The following EXPH5 variants were observed in gnomAD, a reference collection of about 807,000 sequenced individuals.
EXPH5 encodes exophilin-5.
A neutral mutation model predicts 41.1 loss-of-function variants in EXPH5; 42 were observed. That is an observed-to-expected ratio of 1.02 (90% CI 0.80 to 1.32). The LOEUF is 1.32. EXPH5 is among the 40% of genes most tolerant of loss of function. EXPH5 has a pLI of 0.00. For synonymous variants in EXPH5, 798 were observed against 833.5 expected (o/e 0.96, Z 0.73); for missense variants, 2,298 against 2,314.5 (o/e 0.99, Z 0.15).
At chr11:108,607,530 A>G in the EXPH5 span, among the ~76,000 whole-genome samples, 2 of 152,188 alleles carry the variant, frequency 1.3e-5, no homozygotes, top group African/African-American at 4.8e-5. Context: ...TGGCTCTACG[A>G]TGTACTAACC....
rs1172975950 is a variant in EXPH5 at position 108,541,689 on chromosome 11, T to C, written c.243A>G (p.Pro81=). ...TCTCCTTACTTAGCCTGTATGTAAGTGGTTGTTTTAACATTTGGCTAACAT... is the reference window on the plus strand; with the variant it reads ...TCTCCTTACTTAGCCTGTATGTAAGCGGTTGTTTTAACATTTGGCTAACAT... ...ETDVSQMLKQ[P]LTYRLSKEMA... The change falls in exon 2 of 6, where the codon CCA becomes CCG. Residue 81 remains proline (P), a synonymous_variant. Transcript: ENST00000265843. 3 of 1,610,786 alleles carry C rather than the reference T, an allele frequency of 1.9e-6. No individual in the cohort carries two copies. The highest frequency in any genetic ancestry group is 2.2e-5 in the East Asian group (1 of 44,836).
At chr11:108,584,677 C>T (rs1200981148) in intron 1 of EXPH5, among the ~76,000 whole-genome samples, 1 of 152,156 alleles carries the variant, frequency 6.6e-6, no homozygotes, top group Non-Finnish European at 1.5e-5. Context: ...AGTCTTTCAA[C>T]AATGGTGTTG....
At chr11:108,590,408 T>G (rs2094124677) in intron 1 of EXPH5, among the ~76,000 whole-genome samples, 1 of 152,224 alleles carries the variant, frequency 6.6e-6, no homozygotes, top group Non-Finnish European at 1.5e-5. Flanking sequence ...CTTAAAAATC[T>G]GAATAAACTA....
intron 1 of EXPH5, among the ~76,000 whole-genome samples, chr11:108,583,102 G>A (rs1016392541): frequency 6.6e-6 from 1 of 152,032 alleles, no homozygotes; most frequent in Admixed American, 6.6e-5. Flanking sequence ...TAAGTATATC[G>A]CCAGGCGCAG....
chr11:108,513,418 C>T lies in EXPH5; in HGVS notation c.2089G>A (p.Val697Ile). ...TCATTTAAGTCTTTCTCATTATTTA[C>T]TTCTGTGACCAAGATATTGGGCTGG... ...KSQPNILVTEVNNEKDLNESI... is the reference protein window; with the variant it reads ...KSQPNILVTEINNEKDLNESI... Residue 697 changes from valine (V) to isoleucine (I), a missense_variant, in exon 6 of 6, where the codon GTA becomes ATA. Transcript: ENST00000265843. The T allele has an allele frequency of 1.2e-6, 2 of 1,613,332 alleles. No individual in the cohort carries two copies. The highest frequency in any genetic ancestry group is 1.7e-6 in the Non-Finnish European group (2 of 1,179,744).
At chr11:108,589,035 G>C (rs1385742297) in intron 1 of EXPH5, among the ~76,000 whole-genome samples, 1 of 152,194 alleles carries the variant, frequency 6.6e-6, no homozygotes, top group Non-Finnish European at 1.5e-5. Flanking sequence ...CAAGCCTCCT[G>C]AGCACACTTG....
chr11:108,602,454 G>C, the EXPH5 span, among the ~76,000 whole-genome samples: 1 of 151,876 alleles, frequency 6.6e-6, no homozygotes, highest in African/African-American at 2.4e-5. Flanking sequence ...GTAGATTTAT[G>C]TTATCCACCG....
In EXPH5 at chr11:108,511,558, A is replaced by G. The variant is rs2093681821; in HGVS notation, c.3949T>C (p.Ser1317Pro). 1 of 1,612,992 alleles carries G rather than the reference A, an allele frequency of 6.2e-7. No homozygotes were observed. The highest frequency in any genetic ancestry group is 8.5e-7 in the Non-Finnish European group (1 of 1,179,734). The change falls in exon 6 of 6, where the codon TCC becomes CCC. Residue 1317 changes from serine (S) to proline (P), a missense_variant. Ser to Pro is a moderately conservative substitution (Grantham distance 74). Coordinates refer to ENST00000265843, the MANE Select transcript of EXPH5 (RefSeq NM_015065.3). ...GTGAGCGTCTGATCAGAGTTGACGG[A>G]CATCTTTAGATTTTCACATGAAGGT... ...GTPSCENLKM[S>P]VNSDQTLTTE...
intron 1 of EXPH5, among the ~76,000 whole-genome samples, chr11:108,584,966 C>A (rs528942767): frequency 3.9e-5 from 6 of 152,202 alleles, no homozygotes; most frequent in African/African-American, 1.4e-4. Flanking sequence ...TTAAGACAAG[C>A]TACAGATGGG....
At chr11:108,542,746 T>G (rs1187876033) in intron 1 of EXPH5, among the ~76,000 whole-genome samples, 3 of 152,004 alleles carry the variant, frequency 2.0e-5, no homozygotes, top group Non-Finnish European at 4.4e-5. Flanking sequence ...TGAGACAGAG[T>G]CTCTCTCTGT....
chr11:108,588,071 G>A (rs903433457), intron 1 of EXPH5, among the ~76,000 whole-genome samples: 1 of 152,120 alleles, frequency 6.6e-6, no homozygotes, highest in African/African-American at 2.4e-5. Context: ...AATAACATAT[G>A]ATAACTAAAA....
At chr11:108,598,652 A>G (rs2094141998), upstream of EXPH5, among the ~76,000 whole-genome samples, 1 of 152,078 alleles carries the variant, frequency 6.6e-6, no homozygotes, top group South Asian at 2.1e-4. Flanking sequence ...TCAAGGATCC[A>G]GCTTTGCTAA....
At chr11:108,515,183 C>G (rs1299190100) in intron 5 of EXPH5, among the ~76,000 whole-genome samples, 1 of 151,794 alleles carries the variant, frequency 6.6e-6, no homozygotes, top group Non-Finnish European at 1.5e-5. Flanking sequence ...TTTAGTGCAT[C>G]TAAAGTGTAT....
At chr11:108,597,353 G>A (rs566975642), upstream of EXPH5, among the ~76,000 whole-genome samples, 5 of 152,080 alleles carry the variant, frequency 3.3e-5, no homozygotes, top group South Asian at 2.1e-4. Flanking sequence ...GCACGCCACC[G>A]CACCCAGCTA....
chr11:108,520,590 G>A (rs186884041), intron 4 of EXPH5, among the ~76,000 whole-genome samples: 31 of 140,432 alleles, frequency 2.2e-4, no homozygotes, highest in Non-Finnish European at 3.1e-4. Context: ...TTATTTTGAG[G>A]CGGAGTCTCC....
In EXPH5 at chr11:108,513,815, C is replaced by T; in HGVS notation, c.1692G>A (p.Val564=). The part of the protein sequence containing the change: ...DFQRSTLDSM[V]VSHGNETQLT... ...ACTGGGTCTCATTACCATGTGATAC[C>T]ACCATGCTATCCAGTGTGGATCTCT... Residue 564 remains valine, a synonymous_variant, in exon 6 of 6, where the codon GTG becomes GTA. Coordinates refer to ENST00000265843, the MANE Select transcript of EXPH5 (RefSeq NM_015065.3). 3 of 1,603,028 alleles carry T rather than the reference C, an allele frequency of 1.9e-6. No homozygotes were observed. In the South Asian group the frequency reaches 3.4e-5, roughly 18 times the overall value.
In EXPH5 at chr11:108,512,784, C is replaced by T; in HGVS notation, c.2723G>A (p.Arg908Lys). The T allele has an allele frequency of 6.2e-7, 1 of 1,614,012 alleles. No individual in the cohort carries two copies. Reference protein sequence around the residue: ...PVVPSTTVFSRRSPSDKDPSL... With the variant: ...PVVPSTTVFSKRSPSDKDPSL... ...TGGATCTTTGTCTGAAGGACTTCTC[C>T]TGGAGAACACTGTAGTAGATGGAAC... Residue 908 changes from arginine to lysine, a missense_variant, in exon 6 of 6, where the codon AGG becomes AAG. Physicochemically the swap from Arg to Lys is conservative, Grantham distance 26 (BLOSUM62 2). Coordinates refer to ENST00000265843, the MANE Select transcript of EXPH5 (RefSeq NM_015065.3).
chr11:108,586,463 T>TTAACTG (rs2094113202), intron 1 of EXPH5, among the ~76,000 whole-genome samples: 1 of 12,746 alleles, frequency 7.8e-5, no homozygotes, highest in African/African-American at 3.5e-4. Context: ...CTTTCCTCCC[T>TTAACTG]CCCCCATCCC....
At chr11:108,604,683 C>T in the EXPH5 span, among the ~76,000 whole-genome samples, 2 of 151,950 alleles carry the variant, frequency 1.3e-5, no homozygotes, top group Admixed American at 6.6e-5. Context: ...CTAAGACAGT[C>T]AGAAAAGTGG....
Sources: allele counts gnomAD v4.1 joint callset (sites outside exome capture counted in the v4.1 genomes callset), GRCh38; gene constraint gnomAD v4.1.1; transcripts MANE v1.5; gene names NCBI Gene and HGNC (gene_info 2026-07-23, HGNC 2026-07-21).